RBPJ: variants seen among roughly 807,000 people sequenced by gnomAD.
The protein encoded by RBPJ is recombination signal binding protein for immunoglobulin kappa J region, also known as recombining binding protein suppressor of hairless.
RBPJ carries 9 observed loss-of-function variants against 67.8 expected under a neutral mutation model. That is an observed-to-expected ratio of 0.13 (90% CI 0.08 to 0.23). The LOEUF (loss-of-function observed/expected upper bound fraction) is 0.23. RBPJ is among the 10% of genes least tolerant of loss of function. The pLI is 1.00. For synonymous variants in RBPJ, 198 were observed against 203.3 expected (o/e 0.97, Z 0.22); for missense variants, 305 against 595.6 (o/e 0.51, Z 5.08).
At chr4:26,284,760 C>T (rs1024815835) in intron 1 of RBPJ, among the ~76,000 whole-genome samples, 1 of 152,104 alleles carries the variant, frequency 6.6e-6, no homozygotes, top group African/African-American at 2.4e-5. Context: ...GTCACTGTGC[C>T]CCCGGCTGAA....
intron 1 of RBPJ, among the ~76,000 whole-genome samples, chr4:26,283,717 G>C (rs946335162): frequency 1.3e-5 from 2 of 148,980 alleles, no homozygotes; most frequent in African/African-American, 5.0e-5. Flanking sequence ...CATGATCTCA[G>C]CTCACTGCAA....
At chr4:26,272,845 A>G (rs1720959182) in intron 1 of RBPJ, 1 of 329,006 alleles carries the variant, frequency 3.0e-6, no homozygotes, top group South Asian at 2.5e-5. Context: ...TTAAAACCAT[A>G]CATTGCGCAG....
intron 1 of RBPJ, among the ~76,000 whole-genome samples, chr4:26,311,465 G>A (rs1247229182): frequency 6.6e-6 from 1 of 152,120 alleles, no homozygotes; most frequent in African/African-American, 2.4e-5. Flanking sequence ...CTTGAACCCA[G>A]GAGGTGGAGG....
intron 1 of RBPJ, among the ~76,000 whole-genome samples, chr4:26,244,208 T>TGTACAC (rs1491417232): frequency 2.0e-5 from 3 of 146,734 alleles, no homozygotes; most frequent in Non-Finnish European, 3.0e-5. Flanking sequence ...TCTATATATG[T>TGTACAC]ATACACATAT....
At position 26,432,462 on chromosome 4, in the gene RBPJ, T is replaced by C. The variant is rs1025107647; in HGVS notation, c.*1455T>C. On this transcript the variant is annotated 3_prime_UTR_variant, in exon 11 of 11. Coordinates refer to ENST00000355476, the MANE Select transcript of RBPJ (RefSeq NM_015874.6). ...ACTGAGCATCTCCACAAATGTCTCC[T>C]AACTCAGAAAATGTTTCTTTTCTTT... The C allele has an allele frequency of 2.0e-5, 3 of 152,246 alleles. No individual in the cohort carries two copies. Among genetic ancestry groups the C allele is most frequent in the African/African-American group, 7.2e-5 (3 of 41,466 alleles). The allele number at this position is 152,246 out of a possible 1,614,324, so 9.4% of individuals were successfully genotyped here. A position where few individuals can be genotyped will look rare whatever the true frequency, so the allele number is the denominator to read the frequency against.
At chr4:26,140,563 G>C in the RBPJ span, among the ~76,000 whole-genome samples, 1 of 151,786 alleles carries the variant, frequency 6.6e-6, no homozygotes, top group Admixed American at 6.6e-5. Flanking sequence ...TTCCTCCCTG[G>C]CTCACAGTCA....
At chr4:26,343,010 A>G (rs1355527178) in intron 1 of RBPJ, 1 of 152,134 alleles carries the variant, frequency 6.6e-6, no homozygotes, top group Non-Finnish European at 1.5e-5. Context: ...CTCTGCTGTC[A>G]AATTTTGTTG....
chr4:26,252,809 T>A (rs764860344), intron 1 of RBPJ, among the ~76,000 whole-genome samples: 2 of 152,070 alleles, frequency 1.3e-5, no homozygotes, highest in Non-Finnish European at 2.9e-5. Flanking sequence ...TGGATTCGAG[T>A]TGAATGCATT....
At chr4:26,252,530 G>A (rs1211959789) in intron 1 of RBPJ, among the ~76,000 whole-genome samples, 2 of 152,196 alleles carry the variant, frequency 1.3e-5, no homozygotes, top group South Asian at 2.1e-4. Context: ...AGGGTGCAGA[G>A]AGCCAGGATT....
At chr4:26,174,178 G>A (rs1462230987) in intron 1 of RBPJ, among the ~76,000 whole-genome samples, 1 of 152,194 alleles carries the variant, frequency 6.6e-6, no homozygotes, top group Non-Finnish European at 1.5e-5. Context: ...TGATTGTGTG[G>A]ACTCTGAACT....
chr4:26,422,216 T>C (rs1735212479), intron 5 of RBPJ, among the ~76,000 whole-genome samples: 1 of 152,162 alleles, frequency 6.6e-6, no homozygotes, highest in Non-Finnish European at 1.5e-5. Context: ...ATCCCCTTTT[T>C]TTTTTTTGGT....
intron 1 of RBPJ, among the ~76,000 whole-genome samples, chr4:26,356,005 T>G (rs1337321801): frequency 2.6e-5 from 4 of 152,226 alleles, no homozygotes; most frequent in African/African-American, 9.6e-5. Flanking sequence ...TGTTAAGGAA[T>G]ACCTGAGTAC....
intron 1 of RBPJ, among the ~76,000 whole-genome samples, chr4:26,380,681 C>T (rs2109599833): frequency 1.3e-5 from 2 of 152,022 alleles, no homozygotes; most frequent in South Asian, 4.1e-4. Context: ...AATCCCAGTA[C>T]TTTTGAGCTG....
intron 1 of RBPJ, among the ~76,000 whole-genome samples, chr4:26,354,088 G>A (rs1405867613): frequency 6.6e-6 from 1 of 151,544 alleles, no homozygotes; most frequent in Non-Finnish European, 1.5e-5. Flanking sequence ...GTGCCACCAT[G>A]CCCGGCTAAT....
At chr4:26,160,738 A>G (rs1007126103), upstream of RBPJ, among the ~76,000 whole-genome samples, 1 of 151,990 alleles carries the variant, frequency 6.6e-6, no homozygotes, top group African/African-American at 2.4e-5. Context: ...CATCACATCC[A>G]ACTTCCAAGA....
At chr4:26,143,018 G>A in the RBPJ span, among the ~76,000 whole-genome samples, 12 of 152,154 alleles carry the variant, frequency 7.9e-5, no homozygotes, top group Admixed American at 7.2e-4. Context: ...TTAACCTCAG[G>A]TGATCCACCT....
intron 7 of RBPJ, among the ~76,000 whole-genome samples, chr4:26,426,677 G>T (rs1735704316): frequency 6.6e-6 from 1 of 152,146 alleles, no homozygotes; most frequent in African/African-American, 2.4e-5. Context: ...CGCTTAGAGA[G>T]GTCAGGGAAG....
intron 3 of RBPJ, chr4:26,409,986 T>C: frequency 4.5e-6 from 2 of 445,742 alleles, no homozygotes; most frequent in African/African-American, 2.0e-5. Flanking sequence ...TAGACCTGCA[T>C]TACTTTATGA....
intron 1 of RBPJ, among the ~76,000 whole-genome samples, chr4:26,366,800 C>T (rs1560298191): frequency 6.6e-6 from 1 of 151,954 alleles, no homozygotes; most frequent in Non-Finnish European, 1.5e-5. Flanking sequence ...CCTTGCTTTG[C>T]ATTGATGTAA....
Sources: gnomAD v4.1 joint callset for allele counts (sites outside exome capture counted in the v4.1 genomes callset) on GRCh38, gnomAD v4.1.1 for gene constraint, MANE v1.5 for transcripts, NCBI Gene and HGNC (gene_info 2026-07-23, HGNC 2026-07-21) for gene names.